LRRC39: variants seen among roughly 807,000 people sequenced by gnomAD.
LRRC39 encodes the protein leucine rich repeat containing 39, also known as leucine-rich repeat-containing protein 39.
LRRC39 carries 35 observed loss-of-function variants against 39.7 expected under a neutral mutation model. The observed-to-expected ratio is 0.88, with a 90% CI of 0.67 to 1.17. The LOEUF (loss-of-function observed/expected upper bound fraction) is 1.17. Ranked by LOEUF, LRRC39 falls within the 50% of genes most tolerant of loss-of-function variation. LRRC39 has a pLI of 0.00. For synonymous variants in LRRC39, 113 were observed against 134.1 expected (o/e 0.84, Z 1.09); for missense variants, 357 against 385.8 (o/e 0.93, Z 0.62).
At chr1:100,168,655 A>G (rs960894370) in intron 2 of LRRC39, 61 bp from the exon 3 acceptor site, 6 of 612,406 alleles carry the variant, frequency 9.8e-6, no homozygotes, top group Non-Finnish European at 1.7e-5. Flanking sequence ...CATAATGATC[A>G]TAATAGCTAA....
chr1:100,163,407 G>T (rs559728353), intron 3 of LRRC39, among the ~76,000 whole-genome samples: 19 of 152,192 alleles, frequency 1.2e-4, no homozygotes, highest in Admixed American at 6.5e-4. Context: ...TCTCTGTAAA[G>T]ATCGCTAAAT....
At chr1:100,174,643 A>G (rs986089376) in intron 1 of LRRC39, among the ~76,000 whole-genome samples, 2 of 152,188 alleles carry the variant, frequency 1.3e-5, no homozygotes, top group African/African-American at 4.8e-5. Flanking sequence ...ACAGTTGAAT[A>G]TCTATGTATT....
At chr1:100,157,054 C>T (rs1218130335) in intron 6 of LRRC39, among the ~76,000 whole-genome samples, 2 of 152,076 alleles carry the variant, frequency 1.3e-5, no homozygotes, top group Admixed American at 1.3e-4. Flanking sequence ...AACCCAGAAA[C>T]AAAAACACAT....
intron 8 of LRRC39, among the ~76,000 whole-genome samples, chr1:100,154,108 A>G (rs1270748653): frequency 2.0e-5 from 3 of 151,846 alleles, no homozygotes; most frequent in Admixed American, 6.6e-5. Flanking sequence ...AAATAATGCT[A>G]TGGGTTAATA....
intron 2 of LRRC39, among the ~76,000 whole-genome samples, chr1:100,171,633 G>A (rs758239665): frequency 2.8e-4 from 42 of 150,064 alleles, no homozygotes; most frequent in Non-Finnish European, 4.9e-4. Context: ...CTTCCAAGTA[G>A]CTGGGACTAC....
At position 100,149,312 on chromosome 1, in the gene LRRC39, C is replaced by T. The variant is rs72973703; in HGVS notation, c.953-215G>A. On this transcript the variant is annotated intron_variant, in intron 9 of 9. Transcript: ENST00000370137. ...AGCACAATTGTGATTTTCTCAAATG[C>T]AGACAATTCAGAGATATTCACAATT... 2.5e-3 allele frequency: 3,840 copies of T among 1,534,142 alleles called. 87 individuals are homozygous for T. In the African/African-American group the frequency reaches 0.048, roughly 19 times the overall value.
Position 100,160,581 on chromosome 1 carries a change from C to G in LRRC39, c.114-10G>C. ...CCAGATCCGCACTAGCCTAGGAAAC[C>G]AGGAAATCATTTTAGTTCATAGACA... is the stretch of plus-strand genomic sequence containing the variant. On this transcript the variant is annotated splice_polypyrimidine_tract_variant and intron_variant, in intron 3 of 9. Transcript: ENST00000370137. 6.3e-7 allele frequency: 1 copy of G among 1,592,642 alleles called. No homozygotes were observed. Among genetic ancestry groups the G allele is most frequent in the Non-Finnish European group, 8.6e-7 (1 of 1,169,576 alleles).
rs552746178 is a variant in LRRC39, at chr1:100,148,528, G to T, written c.*514C>A. 75 of 1,179,550 alleles carry T rather than the reference G, an allele frequency of 6.4e-5. No individual in the cohort carries two copies. In the African/African-American group the frequency reaches 9.9e-4, roughly 16 times the overall value. 73.1% of individuals were successfully genotyped at this position (1,179,550 alleles called of 1,614,324 possible). On this transcript the variant is annotated 3_prime_UTR_variant, in exon 10 of 10. Transcript: ENST00000370137. The stretch of plus-strand genomic sequence containing the variant: ...GGACAAAGTACTTAGTACATTATGG[G>T]TTAGTTAACAGTCTCTCAATAAATA...
rs1336158796 is a variant in LRRC39 at position 100,159,612 on chromosome 1, T to C, written c.220-197A>G. On this transcript the variant is annotated intron_variant, in intron 4 of 9. Transcript: ENST00000370137. ...TCCTTTTTTTTTTCTTTTCCTTTTTTTTTTTTTTTTTTTTTGGCTAAACCT... is the reference window on the plus strand; with the variant it reads ...TCCTTTTTTTTTTCTTTTCCTTTTTCTTTTTTTTTTTTTTTGGCTAAACCT... Among the ~76,000 whole-genome samples, 500 of 144,390 alleles carry C rather than the reference T, an allele frequency of 3.5e-3. 9 individuals are homozygous for C. Among genetic ancestry groups the C allele is most frequent in the African/African-American group, 0.012 (473 of 39,572 alleles). The allele number at this position is 144,390 out of a possible 152,430, so 94.7% of individuals were successfully genotyped here.
At chr1:100,159,600 CTTTTCCTTTT>C (rs1169108499) in intron 4 of LRRC39, among the ~76,000 whole-genome samples, 185 bp from the exon 5 acceptor site, 26 of 72,688 alleles carry the variant, frequency 3.6e-4, no homozygotes, top group Admixed American at 1.2e-3. Context: ...TTTTTTTTTT[CTTTTCCTTTT>C]TTTTTTTTTT....
chr1:100,172,006 TAAAAC>T (rs1659644148), intron 2 of LRRC39, among the ~76,000 whole-genome samples: 1 of 151,892 alleles, frequency 6.6e-6, no homozygotes, highest in Admixed American at 6.6e-5. Context: ...AGAAGCTAGA[TAAAAC>T]AAACACAAAG....
chr1:100,177,087 A>G (rs1660014358), intron 1 of LRRC39, among the ~76,000 whole-genome samples: 1 of 152,206 alleles, frequency 6.6e-6, no homozygotes, highest in Non-Finnish European at 1.5e-5. Context: ...ATATAACTCT[A>G]TGGCAGTGTA....
intron 3 of LRRC39, among the ~76,000 whole-genome samples, chr1:100,161,174 T>G (rs1240535286): frequency 1.3e-5 from 2 of 152,210 alleles, no homozygotes; most frequent in Non-Finnish European, 2.9e-5. Context: ...TTCACAGATT[T>G]GTGCAACTAT....
intron 2 of LRRC39, among the ~76,000 whole-genome samples, chr1:100,170,929 C>G (rs2101794934): frequency 6.6e-6 from 1 of 152,160 alleles, no homozygotes; most frequent in Non-Finnish European, 1.5e-5. Context: ...AAACACTAAG[C>G]AAAAGAAGGC....
At position 100,160,452 on chromosome 1, in the gene LRRC39, C is replaced by T. The variant is rs1281415057; in HGVS notation, c.219+14G>A. 17 of 1,601,776 alleles carry T rather than the reference C, an allele frequency of 1.1e-5. No homozygotes were observed. In the East Asian group the frequency reaches 3.6e-4, roughly 34 times the overall value. On this transcript the variant is annotated intron_variant, in intron 4 of 9. Coordinates refer to ENST00000370137, the MANE Select transcript of LRRC39 (RefSeq NM_144620.4). ...TGCAAAATGTGGAAAATCAAATATT[C>T]TATAAAAGCTTACCTTCCATTCCTC...
chr1:100,159,968 A>G (rs988685961), intron 4 of LRRC39, among the ~76,000 whole-genome samples: 1 of 152,218 alleles, frequency 6.6e-6, no homozygotes, highest in African/African-American at 2.4e-5. Context: ...AAACACTGAC[A>G]TAAAACATAA....
chr1:100,170,268 C>G (rs957278177), intron 2 of LRRC39, among the ~76,000 whole-genome samples: 1 of 152,078 alleles, frequency 6.6e-6, no homozygotes, highest in Non-Finnish European at 1.5e-5. Flanking sequence ...AATGGATAAA[C>G]AAGATGTGGT....
In LRRC39 at chr1:100,152,445, G is replaced by A. The variant is rs765807301; in HGVS notation, c.892C>T (p.Arg298Trp). Reference sequence around the variant, plus strand: ...ATAAACTGAAGGCCAAATAATTCCCGTTCCTCTTCTTCATCTGTGCCTTCA... The same window carrying A: ...ATAAACTGAAGGCCAAATAATTCCCATTCCTCTTCTTCATCTGTGCCTTCA... ...PSEGTDEEEERELFGLQFMHT... is the reference protein window; with the variant it reads ...PSEGTDEEEEWELFGLQFMHT... The change falls in exon 9 of 10, where the codon CGG becomes TGG. Residue 298 changes from arginine (R) to tryptophan (W), a missense_variant. Physicochemically the swap from Arg to Trp is moderately radical, Grantham distance 101. Coordinates refer to ENST00000370137, the MANE Select transcript of LRRC39 (RefSeq NM_144620.4). 53 of 1,613,006 alleles carry A rather than the reference G, an allele frequency of 3.3e-5. 1 individual carries two copies. Among genetic ancestry groups the A allele is most frequent in the Admixed American group, 1.8e-4 (11 of 59,982 alleles).
At chr1:100,162,606 C>A (rs998227086) in intron 3 of LRRC39, among the ~76,000 whole-genome samples, 4 of 151,626 alleles carry the variant, frequency 2.6e-5, no homozygotes, top group African/African-American at 9.7e-5. Flanking sequence ...CCACTTTACT[C>A]CAGCCTGGGC....
Sources: gnomAD v4.1 joint callset for allele counts (sites outside exome capture counted in the v4.1 genomes callset) on GRCh38, gnomAD v4.1.1 for gene constraint, MANE v1.5 for transcripts, NCBI Gene and HGNC (gene_info 2026-07-23, HGNC 2026-07-21) for gene names.